RBFOX1: variants seen among roughly 807,000 people sequenced by gnomAD.
The protein encoded by RBFOX1 is RNA binding fox-1 homolog 1.
Under a neutral mutation model 57.7 loss-of-function variants are expected in RBFOX1, and 8 were observed. The observed-to-expected ratio is 0.14, with a 90% confidence interval of 0.08 to 0.25. The LOEUF (loss-of-function observed/expected upper bound fraction) is 0.25. Ranked by LOEUF, RBFOX1 falls within the 10% of genes least tolerant of loss-of-function variation. The pLI is 1.00. For synonymous variants in RBFOX1, 326 were observed against 222.4 expected, an observed-to-expected ratio of 1.47 and a Z score of -4.15; for missense variants, 611 against 548.5, an observed-to-expected ratio of 1.11 and a Z score of -1.14.
At chr16:7,272,526 C>T (rs1455122531) in intron 4 of RBFOX1, among the ~76,000 whole-genome samples, 3 of 152,200 alleles carry the variant, frequency 2.0e-5, no homozygotes, top group Non-Finnish European at 4.4e-5. Context: ...TCTTATTCTG[C>T]ATCATTCATT....
At chr16:5,346,473 A>T (rs1002541233) in intron 1 of RBFOX1, among the ~76,000 whole-genome samples, 3 of 152,214 alleles carry the variant, frequency 2.0e-5, no homozygotes, top group African/African-American at 7.2e-5. Context: ...CACAGGATGG[A>T]TGAGAAGGAG....
intron 13 of RBFOX1, chr16:7,671,675 A>G: frequency 7.5e-7 from 1 of 1,342,062 alleles, no homozygotes; most frequent in Admixed American, 1.7e-5. Context: ...TAACAAGATA[A>G]TTCTGGGGAG....
At chr16:6,017,226 A>G (rs543412799), upstream of RBFOX1, among the ~76,000 whole-genome samples, 73 of 152,274 alleles carry the variant, frequency 4.8e-4, no homozygotes, top group Non-Finnish European at 9.0e-4. Flanking sequence ...TGGAATAAAA[A>G]ATGAAGGAGA....
chr16:6,018,317 A>C, upstream of RBFOX1, among the ~76,000 whole-genome samples: 1 of 152,326 alleles, frequency 6.6e-6, no homozygotes, highest in African/African-American at 2.4e-5. Flanking sequence ...CTCTCTAAGC[A>C]TCTGTGAAAT....
intron 3 of RBFOX1, among the ~76,000 whole-genome samples, chr16:6,898,691 CGTGTGTATGTGTCTATAATATAT>C (rs2067596766): frequency 6.6e-6 from 1 of 151,876 alleles, no homozygotes; most frequent in Non-Finnish European, 1.5e-5. Context: ...TGTGTATATA[CGTGTGTATGTGTCTATAATATAT>C]GTGTGTATGT....
chr16:6,769,234 T>A (rs924554276), intron 3 of RBFOX1, among the ~76,000 whole-genome samples: 1 of 152,138 alleles, frequency 6.6e-6, no homozygotes, highest in African/African-American at 2.4e-5. Flanking sequence ...CTGCACAAGT[T>A]CTTTCTTTGC....
intron 2 of RBFOX1, among the ~76,000 whole-genome samples, chr16:6,582,203 T>C (rs138312574): frequency 6.6e-6 from 1 of 152,356 alleles, no homozygotes; most frequent in East Asian, 1.9e-4. Flanking sequence ...TTCCAAAGAA[T>C]TTTTATCACT....
At chr16:6,745,660 G>C (rs550381193) in intron 3 of RBFOX1, among the ~76,000 whole-genome samples, 2 of 152,296 alleles carry the variant, frequency 1.3e-5, no homozygotes, top group Non-Finnish European at 2.9e-5. Context: ...ATGATAAAAG[G>C]CATCTATGGA....
intron 1 of RBFOX1, among the ~76,000 whole-genome samples, chr16:5,283,011 C>A (rs1393379760): frequency 1.3e-5 from 2 of 152,142 alleles, no homozygotes; most frequent in Admixed American, 6.6e-5. Context: ...GGGACCCCTA[C>A]TGTGAGCAGC....
intron 3 of RBFOX1, among the ~76,000 whole-genome samples, chr16:6,920,184 G>A (rs1361181713): frequency 2.0e-5 from 3 of 152,104 alleles, no homozygotes; most frequent in Non-Finnish European, 4.4e-5. Flanking sequence ...ATTGGTTGAT[G>A]GGCATTGAGT....
At chr16:6,104,573 G>A (rs914100204) in intron 1 of RBFOX1, among the ~76,000 whole-genome samples, 6 of 152,092 alleles carry the variant, frequency 3.9e-5, no homozygotes, top group Non-Finnish European at 1.5e-5. Context: ...GTCAATCTCT[G>A]TTCCCACCCT....
intron 1 of RBFOX1, among the ~76,000 whole-genome samples, chr16:6,029,574 C>T (rs1002483738): frequency 6.6e-6 from 1 of 150,788 alleles, no homozygotes; most frequent in Admixed American, 6.6e-5. Flanking sequence ...GAGATCGAGA[C>T]CATCCTGGCT....
chr16:5,908,095 T>TATATAC (rs1567133450), intron 4 of RBFOX1, among the ~76,000 whole-genome samples: 1 of 139,888 alleles, frequency 7.1e-6, no homozygotes, highest in African/African-American at 3.0e-5. Flanking sequence ...TACACATATA[T>TATATAC]ACACATATAT....
chr16:6,484,821 G>A (rs2153105162), intron 2 of RBFOX1, among the ~76,000 whole-genome samples: 1 of 152,312 alleles, frequency 6.6e-6, no homozygotes, highest in Admixed American at 6.5e-5. Flanking sequence ...CTTTCTGAGT[G>A]TCTTCACGTA....
chr16:7,108,311 CAAG>C (rs2063979547), intron 4 of RBFOX1, among the ~76,000 whole-genome samples: 1 of 150,758 alleles, frequency 6.6e-6, no homozygotes, highest in Non-Finnish European at 1.5e-5. Context: ...CATTAACAAA[CAAG>C]AACTTCTTTC....
intron 1 of RBFOX1, among the ~76,000 whole-genome samples, chr16:6,298,402 T>C (rs2078392241): frequency 6.6e-6 from 1 of 152,222 alleles, no homozygotes; most frequent in African/African-American, 2.4e-5. Context: ...CCCATTGTTA[T>C]GCACTTCATG....
In RBFOX1 at chr16:5,808,746, T is replaced by C. The variant is rs148653740; in HGVS notation, c.319-58557T>C. Reference sequence around the variant, plus strand: ...GTCTGTTATTGGTGTATAAGAAAGATTGTGATTTTTGTGCATTGATTTTGT... The same window carrying C: ...GTCTGTTATTGGTGTATAAGAAAGACTGTGATTTTTGTGCATTGATTTTGT... On this transcript the variant is annotated intron_variant, in intron 3 of 19. Transcript: ENST00000641259. Among the ~76,000 whole-genome samples, 675 of 152,266 alleles carry C rather than the reference T, an allele frequency of 4.4e-3. 1 individual carries two copies. The highest frequency in any genetic ancestry group is 0.015 in the African/African-American group (629 of 41,532).
At chr16:5,620,404 G>A (rs1375127695) in intron 3 of RBFOX1, among the ~76,000 whole-genome samples, 1 of 152,166 alleles carries the variant, frequency 6.6e-6, no homozygotes, top group African/African-American at 2.4e-5. Flanking sequence ...TCTGTTCTCA[G>A]TGCTGCGTTG....
chr16:6,032,366 A>T (rs1157660863), intron 1 of RBFOX1, among the ~76,000 whole-genome samples: 1 of 92,418 alleles, frequency 1.1e-5, no homozygotes, highest in Non-Finnish European at 2.1e-5. Context: ...CTCTAACCCA[A>T]CTCTTCTACT....
Sources: gnomAD v4.1 joint callset for allele counts (sites outside exome capture counted in the v4.1 genomes callset) on GRCh38, gnomAD v4.1.1 for gene constraint, MANE v1.5 for transcripts, NCBI Gene and HGNC (gene_info 2026-07-23, HGNC 2026-07-21) for gene names.